The following CUL3 variants were observed in gnomAD, a reference collection of about 807,000 sequenced individuals.
CUL3 encodes the protein cullin-3.
Under a neutral mutation model 89.1 loss-of-function variants are expected in CUL3, and 19 were observed. The observed-to-expected ratio is 0.21, with a 90% CI of 0.15 to 0.31. The LOEUF is 0.31. Among genes scored for constraint, CUL3 ranks in the 10% least tolerant of loss-of-function variants. The pLI is 1.00. For missense variants in CUL3, 469 were observed against 942.3 expected (o/e 0.50, Z 6.58); for synonymous variants, 351 against 308.4 (o/e 1.14, Z -1.45).
At chr2:224,535,735 G>T in intron 2 of CUL3, 94 bp from the exon 3 acceptor site, 1 of 761,348 alleles carries the variant, frequency 1.3e-6, no homozygotes, top group African/African-American at 1.8e-5. Context: ...TAATGAAGTG[G>T]AATCTTTAAT....
At chr2:224,496,050 T>C in intron 12 of CUL3, 84 bp from the exon 13 acceptor site, 1 of 1,430,358 alleles carries the variant, frequency 7.0e-7, no homozygotes, top group South Asian at 1.3e-5. Flanking sequence ...CATATGTATG[T>C]TACAGGGTCT....
chr2:224,538,841 G>A lies in CUL3; in HGVS notation c.265-3200C>T, dbSNP rs575196223. Among the ~76,000 whole-genome samples, 4 of 152,242 alleles carry A rather than the reference G, an allele frequency of 2.6e-5. No individual in the cohort carries two copies. In the South Asian group the frequency reaches 8.3e-4, roughly 32 times the overall value. ...GCTCAACACAGTGGATCACAAATCA[G>A]GCAGAAAATTAGAGTCACCCGAAGA... On this transcript the variant is annotated intron_variant, in intron 2 of 15. Coordinates refer to ENST00000264414, the MANE Select transcript of CUL3 (RefSeq NM_003590.5).
chr2:224,532,460 TAAA>T (rs369018508), intron 3 of CUL3, among the ~76,000 whole-genome samples: 1 of 126,400 alleles, frequency 7.9e-6, no homozygotes, highest in Admixed American at 8.1e-5. Flanking sequence ...AAATGCTGCT[TAAA>T]AAAAAAAAAA....
intron 3 of CUL3, among the ~76,000 whole-genome samples, chr2:224,519,346 T>C (rs988979819): frequency 4.6e-5 from 7 of 152,062 alleles, no homozygotes; most frequent in African/African-American, 9.7e-5. Flanking sequence ...AAATGCAAAA[T>C]CTGAAAACAC....
At chr2:224,503,500 T>C (rs1692475993) in intron 9 of CUL3, 152 bp downstream of exon 9, 5 of 667,590 alleles carry the variant, frequency 7.5e-6, no homozygotes, top group Non-Finnish European at 1.2e-5. Context: ...CAAATGTTAG[T>C]GTAGTCTGTG....
chr2:224,481,635 T>A (rs1486074552), intron 14 of CUL3, among the ~76,000 whole-genome samples: 23 of 152,124 alleles, frequency 1.5e-4, no homozygotes, highest in Admixed American at 1.5e-3. Flanking sequence ...GTTCATAAAC[T>A]GTATTCTATT....
At chr2:224,541,687 C>T (rs1027465946) in intron 2 of CUL3, among the ~76,000 whole-genome samples, 2 of 152,100 alleles carry the variant, frequency 1.3e-5, no homozygotes, top group Non-Finnish European at 2.9e-5. Flanking sequence ...AATAAGCAAA[C>T]TGTGGTACAT....
At position 224,506,138 on chromosome 2, in the gene CUL3, A is replaced by G. The variant is rs368109133; in HGVS notation, c.1030-6T>C. On this transcript the variant is annotated splice_polypyrimidine_tract_variant and splice_region_variant and intron_variant, in intron 7 of 15. Coordinates refer to ENST00000264414, the MANE Select transcript of CUL3 (RefSeq NM_003590.5). ...CTCTTCAGATCCAATAAGCCCTTAGAAATAAAAACAAAATTTAGGACACAT... is the reference window on the plus strand; with the variant it reads ...CTCTTCAGATCCAATAAGCCCTTAGGAATAAAAACAAAATTTAGGACACAT... The G allele has an allele frequency of 3.5e-5, 54 of 1,552,792 alleles. No individual in the cohort carries two copies. The highest frequency in any genetic ancestry group is 4.4e-5 in the Non-Finnish European group (51 of 1,152,010).
chr2:224,543,587 G>T (rs939554648), intron 2 of CUL3, among the ~76,000 whole-genome samples: 5 of 152,010 alleles, frequency 3.3e-5, no homozygotes, highest in African/African-American at 1.2e-4. Context: ...TTCAGATTTT[G>T]GAATATAATA....
chr2:224,503,603 T>A, intron 9 of CUL3, 49 bp downstream of exon 9: 1 of 1,426,786 alleles, frequency 7.0e-7, no homozygotes, highest in Non-Finnish European at 9.4e-7. Flanking sequence ...TACACAATCA[T>A]AATAAACCTC....
chr2:224,579,462 A>G (rs1211575997), intron 1 of CUL3, among the ~76,000 whole-genome samples: 1 of 152,050 alleles, frequency 6.6e-6, no homozygotes, highest in Non-Finnish European at 1.5e-5. Flanking sequence ...AATCTGGCAA[A>G]CATTTCTGTA....
intron 5 of CUL3, among the ~76,000 whole-genome samples, chr2:224,512,177 G>A (rs1381814577): frequency 6.6e-6 from 1 of 151,470 alleles, no homozygotes; most frequent in Admixed American, 6.6e-5. Flanking sequence ...CTCACTGCAA[G>A]CTCCACCTCC....
At chr2:224,562,336 T>C (rs1394055842) in intron 1 of CUL3, among the ~76,000 whole-genome samples, 1 of 152,050 alleles carries the variant, frequency 6.6e-6, no homozygotes, top group Non-Finnish European at 1.5e-5. Flanking sequence ...TTAAAAATTT[T>C]TCTAACAAAT....
intron 1 of CUL3, among the ~76,000 whole-genome samples, chr2:224,573,036 AAATT>A (rs1407180520): frequency 1.3e-5 from 2 of 152,242 alleles, no homozygotes; most frequent in Non-Finnish European, 2.9e-5. Flanking sequence ...AAGAGCACAC[AAATT>A]ATTATTTGGC....
intron 3 of CUL3, among the ~76,000 whole-genome samples, chr2:224,529,077 T>A (rs1042286064): frequency 6.6e-6 from 1 of 152,178 alleles, no homozygotes; most frequent in Non-Finnish European, 1.5e-5. Flanking sequence ...TGGAATACTA[T>A]CTATAATTTT....
intron 13 of CUL3, among the ~76,000 whole-genome samples, chr2:224,490,608 G>A (rs1691932214): frequency 6.6e-6 from 1 of 151,740 alleles, no homozygotes; most frequent in Non-Finnish European, 1.5e-5. Flanking sequence ...CGACCCTGTG[G>A]GGCTGGACCC....
intron 1 of CUL3, among the ~76,000 whole-genome samples, chr2:224,566,045 G>C (rs1404561880): frequency 6.6e-6 from 1 of 152,122 alleles, no homozygotes; most frequent in East Asian, 1.9e-4. Flanking sequence ...CGTTTAAAGA[G>C]CCTTAAAGGT....
chr2:224,573,238 C>G (rs565902620), intron 1 of CUL3, among the ~76,000 whole-genome samples: 69 of 152,250 alleles, frequency 4.5e-4, no homozygotes, highest in Admixed American at 1.2e-3. Flanking sequence ...ATATTAACTT[C>G]AAGGAATCAC....
At chr2:224,477,439 C>T (rs1214684606) in intron 15 of CUL3, among the ~76,000 whole-genome samples, 1 of 152,218 alleles carries the variant, frequency 6.6e-6, no homozygotes, top group East Asian at 1.9e-4. Context: ...TAACACTGAG[C>T]AATTTAATCC....
Sources: gnomAD v4.1 joint callset for allele counts (sites outside exome capture counted in the v4.1 genomes callset) on GRCh38, gnomAD v4.1.1 for gene constraint, MANE v1.5 for transcripts, NCBI Gene and HGNC (gene_info 2026-07-23, HGNC 2026-07-21) for gene names.